The following ZC3H14 variants were observed in gnomAD, a reference collection of about 807,000 sequenced individuals.
ZC3H14 encodes the protein zinc finger CCCH-type containing 14.
A neutral mutation model predicts 92.4 loss-of-function variants in ZC3H14; 31 were observed. The observed-to-expected ratio is 0.34, with a 90% CI of 0.25 to 0.45. ZC3H14 has a LOEUF of 0.45. Ranked by LOEUF, ZC3H14 falls within the 20% of genes least tolerant of loss-of-function variation. The pLI, the probability that ZC3H14 is intolerant of heterozygous loss-of-function variation, is 1.00. For missense variants in ZC3H14, 781 were observed against 897.3 expected (o/e 0.87, Z 1.66); for synonymous variants, 321 against 300.9 (o/e 1.07, Z -0.69).
intron 12 of ZC3H14, among the ~76,000 whole-genome samples, chr14:88,606,025 G>A (rs1264930852): frequency 1.3e-5 from 2 of 152,214 alleles, no homozygotes; most frequent in Non-Finnish European, 2.9e-5. Flanking sequence ...GAGGAATACA[G>A]TTGAAGTGAT....
chr14:88,607,103 A>G (rs1189813867), intron 12 of ZC3H14, 140 bp from the exon 13 acceptor site: 2 of 1,328,858 alleles, frequency 1.5e-6, no homozygotes, highest in African/African-American at 2.9e-5. Context: ...TGTTAATCCC[A>G]TAATTTGAGC....
chr14:88,563,587 A>G (rs2079166236), intron 1 of ZC3H14, 64 bp from the exon 2 acceptor site: 6 of 1,600,212 alleles, frequency 3.7e-6, no homozygotes, highest in Admixed American at 1.7e-5. Flanking sequence ...CAGCCGCTGC[A>G]GAGTCCGGTC....
At position 88,612,832 on chromosome 14, in the gene ZC3H14, A is replaced by G. The variant is rs190464296; in HGVS notation, c.*1081A>G. ...AAAACTGTTAAGGCAAGAAGTGTCA[A>G]ATGCTTTAGAGTTAAATAACAGATC... On this transcript the variant is annotated 3_prime_UTR_variant, in exon 17 of 17. Coordinates refer to ENST00000251038, the MANE Select transcript of ZC3H14 (RefSeq NM_024824.5). The G allele has an allele frequency of 1.3e-5, 2 of 152,602 alleles. No homozygotes were observed. The highest frequency in any genetic ancestry group is 2.4e-5 in the African/African-American group (1 of 41,446). The allele number at this position is 152,602 out of a possible 1,614,324, so 9.5% of individuals were successfully genotyped here. A position where few individuals can be genotyped will look rare whatever the true frequency, so the allele number is the denominator to read the frequency against.
intron 13 of ZC3H14, 112 bp downstream of exon 13, chr14:88,607,475 A>G (rs2140118134): frequency 2.0e-6 from 2 of 1,016,544 alleles, no homozygotes; most frequent in South Asian, 1.3e-5. Flanking sequence ...TCACCCAGCA[A>G]GTACCATCCC....
rs1022862835 is a variant in ZC3H14, at chr14:88,618,917, G to C, written c.*7166G>C. On this transcript the variant is annotated 3_prime_UTR_variant, in exon 17 of 17. Transcript: ENST00000251038. ...AGTTCTTAAAAGTAACGTGTGATAA[G>C]GCCTCAAATAGATTTACCTGTCAGA... 2.6e-6 allele frequency: 3 copies of C among 1,162,944 alleles called. No individual in the cohort carries two copies. In the South Asian group the frequency reaches 5.4e-5, roughly 21 times the overall value. 72.0% of individuals were successfully genotyped at this position (1,162,944 alleles called of 1,614,324 possible).
chr14:88,569,407 TG>T (rs2139535195), intron 3 of ZC3H14, among the ~76,000 whole-genome samples: 1 of 152,324 alleles, frequency 6.6e-6, no homozygotes, highest in South Asian at 2.1e-4. Context: ...TTTTTAAGTT[TG>T]GAATTTTAAA....
rs778603557 is a variant in ZC3H14, at chr14:88,612,936, G to GT, written c.*1185_*1186insT. On this transcript the variant is annotated 3_prime_UTR_variant, in exon 17 of 17. Coordinates refer to ENST00000251038, the MANE Select transcript of ZC3H14 (RefSeq NM_024824.5). ...TTAGAAAAGTGGATTAATGCAAAAGGGGTAATAAAGACTGCAACATTCTCA... is the reference window on the plus strand; with the variant it reads ...TTAGAAAAGTGGATTAATGCAAAAGGTGGTAATAAAGACTGCAACATTCTCA... The GT allele has an allele frequency of 6.6e-6, 1 of 152,262 alleles. No homozygotes were observed. Among genetic ancestry groups the GT allele is most frequent in the East Asian group, 1.9e-4 (1 of 5,164 alleles). 9.4% of individuals were successfully genotyped at this position (152,262 alleles called of 1,614,324 possible).
At position 88,616,820 on chromosome 14, in the gene ZC3H14, T is replaced by G. The variant is rs758082858; in HGVS notation, c.*5069T>G. 1.9e-6 allele frequency: 3 copies of G among 1,613,984 alleles called. No individual in the cohort carries two copies. The highest frequency in any genetic ancestry group is 2.5e-6 in the Non-Finnish European group (3 of 1,179,860). On this transcript the variant is annotated 3_prime_UTR_variant, in exon 17 of 17. Coordinates refer to ENST00000251038, the MANE Select transcript of ZC3H14 (RefSeq NM_024824.5). ...TCCTGAATGAGATACACAGGCACAG[T>G]TGACATCAGCTTTCTCAGCATGTCT...
Position 88,625,205 on chromosome 14 carries a change from G to T in ZC3H14, c.*13454G>T. On this transcript the variant is annotated 3_prime_UTR_variant, in exon 17 of 17. Coordinates refer to ENST00000251038, the MANE Select transcript of ZC3H14 (RefSeq NM_024824.5). Reference sequence around the variant, plus strand: ...TTTAAATAGATAATTTTCTATGTATGTGTAATGCTGTCTCACCCTTGATAC... The same window carrying T: ...TTTAAATAGATAATTTTCTATGTATTTGTAATGCTGTCTCACCCTTGATAC... The T allele has an allele frequency of 6.7e-7, 1 of 1,485,564 alleles. No homozygotes were observed. The highest frequency in any genetic ancestry group is 1.9e-5 in the Admixed American group (1 of 51,766). The allele number at this position is 1,485,564 out of a possible 1,614,324, so 92.0% of individuals were successfully genotyped here.
intron 12 of ZC3H14, among the ~76,000 whole-genome samples, chr14:88,606,609 G>A (rs945282018): frequency 2.0e-5 from 3 of 152,116 alleles, no homozygotes; most frequent in East Asian, 1.9e-4. Flanking sequence ...GTAGCCAGGC[G>A]TGGTGGCACG....
At position 88,615,644 on chromosome 14, in the gene ZC3H14, T is replaced by TGC; in HGVS notation, c.*3894_*3895dup. ...TGTATGGATTACGGATTATACCCAG[T>TGC]GCATATAGCAAATATTTTGAACAGA... On this transcript the variant is annotated 3_prime_UTR_variant, in exon 17 of 17. Coordinates refer to ENST00000251038, the MANE Select transcript of ZC3H14 (RefSeq NM_024824.5). 1.7e-6 allele frequency: 1 copy of TGC among 602,748 alleles called. No individual in the cohort carries two copies. Among genetic ancestry groups the TGC allele is most frequent in the Admixed American group, 3.3e-5 (1 of 30,508 alleles). 37.3% of individuals were successfully genotyped at this position (602,748 alleles called of 1,614,324 possible). A position where few individuals can be genotyped will look rare whatever the true frequency, so the allele number is the denominator to read the frequency against.
Position 88,627,366 on chromosome 14 carries a change from C to A in ZC3H14, c.*15615C>A, listed in dbSNP as rs747493589. The A allele has an allele frequency of 6.8e-4, 310 of 455,166 alleles. 2 individuals are homozygous for A. The highest frequency in any genetic ancestry group is 5.9e-4 in the Middle Eastern group (1 of 1,708). 28.2% of individuals were successfully genotyped at this position (455,166 alleles called of 1,614,324 possible). On this transcript the variant is annotated 3_prime_UTR_variant, in exon 17 of 17. Coordinates refer to ENST00000251038, the MANE Select transcript of ZC3H14 (RefSeq NM_024824.5). ...TAAGAATCTCCAAAACCAATCAAAT[C>A]ATTAATAATAAATACATAGTTTCTT...
Position 88,609,248 on chromosome 14 carries a change from CTTTT to C in ZC3H14, c.1869-13_1869-10del, listed in dbSNP as rs377299958. The stretch of plus-strand genomic sequence containing the variant: ...TTGAGAAGATTGAATATGAAATATG[CTTTT>C]TTTTTGTTTTGTAGAGCCTTCCCCA... On this transcript the variant is annotated splice_polypyrimidine_tract_variant and intron_variant, in intron 13 of 16. Transcript: ENST00000251038. 0.016 allele frequency: 25,711 copies of C among 1,605,322 alleles called. 258 individuals are homozygous for C. The highest frequency in any genetic ancestry group is 0.019 in the Non-Finnish European group (22,666 of 1,174,158).
chr14:88,609,209 G>C lies in ZC3H14; in HGVS notation c.1869-58G>C, dbSNP rs945502682. 2.5e-6 allele frequency: 4 copies of C among 1,608,926 alleles called. No homozygotes were observed. The African/African-American group carries it at 4.0e-5, about 16-fold the overall frequency. ...GGAGTGTAAAGAGCCCTTATACACA[G>C]AACTAATAATGCATTGAGAAGATTG... On this transcript the variant is annotated intron_variant, in intron 13 of 16. Coordinates refer to ENST00000251038, the MANE Select transcript of ZC3H14 (RefSeq NM_024824.5).
chr14:88,580,371 G>A (rs1477219975), intron 9 of ZC3H14, among the ~76,000 whole-genome samples: 2 of 152,176 alleles, frequency 1.3e-5, no homozygotes, highest in Non-Finnish European at 2.9e-5. Context: ...AATAAAACAT[G>A]CGTGTAATCC....
intron 10 of ZC3H14, among the ~76,000 whole-genome samples, chr14:88,597,474 G>A (rs189128182): frequency 6.6e-6 from 1 of 152,122 alleles, no homozygotes; most frequent in Non-Finnish European, 1.5e-5. Context: ...TCTGTCTTTT[G>A]TGGGAAGCTC....
Position 88,574,831 on chromosome 14 carries a change from G to T in ZC3H14, c.1000G>T (p.Val334Leu). 1 of 1,614,220 alleles carries T rather than the reference G, an allele frequency of 6.2e-7. No homozygotes were observed. The highest frequency in any genetic ancestry group is 8.5e-7 in the Non-Finnish European group (1 of 1,180,028). Residue 334 changes from valine to leucine, a missense_variant, in exon 7 of 17, where the codon GTG becomes TTG. Val to Leu is a conservative substitution (Grantham distance 32, BLOSUM62 1). Coordinates refer to ENST00000251038, the MANE Select transcript of ZC3H14 (RefSeq NM_024824.5). ...AGGAAGCATCTCCAGCAGTGTGTCT[G>T]TGCCTGCAAAGCCTGAAAGGAGGTA... The part of the protein sequence containing the change: ...RTGSISSSVS[V>L]PAKPERRPSL...
chr14:88,614,647 A>G lies in ZC3H14; in HGVS notation c.*2896A>G, dbSNP rs922463446. The G allele has an allele frequency of 1.1e-4, 17 of 152,232 alleles. No homozygotes were observed. Among genetic ancestry groups the G allele is most frequent in the South Asian group, 2.1e-4 (1 of 4,836 alleles). The allele number at this position is 152,232 out of a possible 1,614,324, so 9.4% of individuals were successfully genotyped here. A position where few individuals can be genotyped will look rare whatever the true frequency, so the allele number is the denominator to read the frequency against. Reference sequence around the variant, plus strand: ...TAAATAGCAGTCTACATAATTTTCAATCTTCAGGAAACTACAGATAGGCTA... The same window carrying G: ...TAAATAGCAGTCTACATAATTTTCAGTCTTCAGGAAACTACAGATAGGCTA... On this transcript the variant is annotated 3_prime_UTR_variant, in exon 17 of 17. Transcript: ENST00000251038.
chr14:88,609,215 A>G lies in ZC3H14; in HGVS notation c.1869-52A>G, dbSNP rs370414505. ...TAAAGAGCCCTTATACACAGAACTA[A>G]TAATGCATTGAGAAGATTGAATATG... On this transcript the variant is annotated intron_variant, in intron 13 of 16. Transcript: ENST00000251038. The G allele has an allele frequency of 1.3e-4, 204 of 1,611,404 alleles. No homozygotes were observed. The South Asian group carries it at 1.6e-3, about 12-fold the overall frequency.
Sources: gnomAD v4.1 joint callset for allele counts (sites outside exome capture counted in the v4.1 genomes callset) on GRCh38, gnomAD v4.1.1 for gene constraint, MANE v1.5 for transcripts, NCBI Gene and HGNC (gene_info 2026-07-23, HGNC 2026-07-21) for gene names.